The following FGGY variants were observed in gnomAD, a reference collection of about 807,000 sequenced individuals.
FGGY encodes the protein FGGY carbohydrate kinase domain-containing protein.
Under a neutral mutation model 71.3 loss-of-function variants are expected in FGGY, and 72 were observed. The ratio of observed to expected loss-of-function variants is 1.01; its 90% CI spans 0.84 to 1.23. FGGY has a LOEUF of 1.23. FGGY is among the 50% of genes most tolerant of loss of function. FGGY has a pLI of 0.00. For missense variants in FGGY, 668 were observed against 682.3 expected (o/e 0.98, Z 0.23); for synonymous variants, 251 against 250.3 (o/e 1.00, Z -0.02).
chr1:59,641,312 G>C, intron 11 of FGGY: 2 of 1,611,418 alleles, frequency 1.2e-6, no homozygotes, highest in East Asian at 2.2e-5. Context: ...TTCCGGCTTT[G>C]GCAGCGTTGC....
intron 11 of FGGY, chr1:59,641,430 C>A: frequency 8.3e-7 from 1 of 1,199,064 alleles, no homozygotes; most frequent in Non-Finnish European, 1.2e-6. Flanking sequence ...CAGGCCTGTG[C>A]TAAACCCAGG....
chr1:59,756,492 A>G (rs1574074038), intron 14 of FGGY, among the ~76,000 whole-genome samples: 1 of 152,224 alleles, frequency 6.6e-6, no homozygotes, highest in Admixed American at 6.5e-5. Context: ...CTTCTAGCGT[A>G]GTATTTATCA....
intron 14 of FGGY, chr1:59,680,769 G>A (rs771745847): frequency 6.6e-6 from 1 of 152,118 alleles, no homozygotes; most frequent in Non-Finnish European, 1.5e-5. Flanking sequence ...AGCAATCTTT[G>A]TGCAGATGAG....
In FGGY at chr1:59,500,241, G is replaced by C. The variant is rs1405771401; in HGVS notation, c.671-12070G>C. ...GACATATCCTTCCTTTTATAAACTT[G>C]ATATTCATCTTTAAGGATCAGCAAC... On this transcript the variant is annotated intron_variant, in intron 6 of 15. Coordinates refer to ENST00000303721, the MANE Select transcript of FGGY (RefSeq NM_018291.5). 2.0e-5 allele frequency among the ~76,000 whole-genome samples: 3 copies of C among 152,108 alleles called. No homozygotes were observed. The East Asian group carries it at 5.8e-4, about 29-fold the overall frequency.
chr1:59,440,488 A>G (rs2069558301), intron 5 of FGGY, among the ~76,000 whole-genome samples: 1 of 151,990 alleles, frequency 6.6e-6, no homozygotes, highest in Admixed American at 6.6e-5. Flanking sequence ...GTAGAGCTTC[A>G]GTCCAACACT....
chr1:59,372,761 A>C (rs537213376), intron 4 of FGGY, among the ~76,000 whole-genome samples: 1 of 152,342 alleles, frequency 6.6e-6, no homozygotes, highest in African/African-American at 2.4e-5. Context: ...CAATATACGC[A>C]AATCAATAAA....
chr1:59,582,324 T>G (rs1377659238), intron 8 of FGGY, among the ~76,000 whole-genome samples: 3 of 150,078 alleles, frequency 2.0e-5, no homozygotes, highest in Non-Finnish European at 4.4e-5. Flanking sequence ...AGGGAAAAGG[T>G]CTTGGCCATT....
chr1:59,658,851 A>G lies in FGGY; in HGVS notation c.1222-1368A>G, dbSNP rs574491933. Among the ~76,000 whole-genome samples, 36 of 152,366 alleles carry G rather than the reference A, an allele frequency of 2.4e-4. No individual in the cohort carries two copies. The South Asian group carries it at 7.2e-3, about 31-fold the overall frequency. ...AGTAAGGATCAAGAAAAGGAGATGC[A>G]TTCAAAAGAGATTTGGGAGATCAAA... is the stretch of plus-strand genomic sequence containing the variant. On this transcript the variant is annotated intron_variant, in intron 11 of 15. Coordinates refer to ENST00000303721, the MANE Select transcript of FGGY (RefSeq NM_018291.5).
At chr1:59,658,751 A>G (rs1293170177) in intron 11 of FGGY, among the ~76,000 whole-genome samples, 1 of 152,224 alleles carries the variant, frequency 6.6e-6, no homozygotes, top group Non-Finnish European at 1.5e-5. Context: ...AATTAGAAAC[A>G]GTGAGATTTG....
At chr1:59,368,212 G>C (rs1437700563) in intron 4 of FGGY, among the ~76,000 whole-genome samples, 1 of 152,168 alleles carries the variant, frequency 6.6e-6, no homozygotes, top group Admixed American at 6.5e-5. Context: ...GCAACATTGT[G>C]CATGGGAGAT....
intron 5 of FGGY, among the ~76,000 whole-genome samples, chr1:59,409,835 A>G (rs1397085726): frequency 3.9e-5 from 6 of 152,112 alleles, no homozygotes; most frequent in African/African-American, 1.4e-4. Flanking sequence ...AGTATCCATT[A>G]TGTGTTAGGC....
intron 14 of FGGY, among the ~76,000 whole-genome samples, chr1:59,705,043 C>A (rs2097745247): frequency 6.6e-6 from 1 of 152,156 alleles, no homozygotes. Flanking sequence ...TCTCTTTATA[C>A]CCATCAAGTA....
At chr1:59,589,264 C>T (rs529107899) in intron 8 of FGGY, among the ~76,000 whole-genome samples, 2 of 152,196 alleles carry the variant, frequency 1.3e-5, no homozygotes, top group Non-Finnish European at 2.9e-5. Context: ...GCACCCAATA[C>T]AGGAGCACGC....
chr1:59,747,203 G>A (rs1214984611), intron 14 of FGGY, among the ~76,000 whole-genome samples: 1 of 152,162 alleles, frequency 6.6e-6, no homozygotes, highest in Non-Finnish European at 1.5e-5. Context: ...TTAGCAAGAA[G>A]CTTCCTATTT....
intron 15 of FGGY, among the ~76,000 whole-genome samples, chr1:59,761,441 G>C (rs1475543245): frequency 6.6e-6 from 1 of 152,146 alleles, no homozygotes; most frequent in Non-Finnish European, 1.5e-5. Context: ...ATTTCATCAT[G>C]AGGACTCCTT....
At chr1:59,383,913 A>G (rs1031565092) in intron 5 of FGGY, among the ~76,000 whole-genome samples, 1 of 152,102 alleles carries the variant, frequency 6.6e-6, no homozygotes, top group African/African-American at 2.4e-5. Context: ...GACCACCTTG[A>G]GCACTTGCCA....
intron 8 of FGGY, among the ~76,000 whole-genome samples, chr1:59,604,197 C>T (rs145435617): frequency 3.3e-5 from 5 of 152,284 alleles, no homozygotes; most frequent in African/African-American, 9.6e-5. Flanking sequence ...ATGGAGCAGT[C>T]TCCAGGCCAA....
intron 14 of FGGY, among the ~76,000 whole-genome samples, chr1:59,718,863 CT>C (rs966420463): frequency 3.3e-5 from 5 of 152,242 alleles, no homozygotes; most frequent in African/African-American, 1.2e-4. Context: ...CTCTCAGCCC[CT>C]GGCCTCCTGG....
chr1:59,389,385 G>C (rs900958826), intron 5 of FGGY, among the ~76,000 whole-genome samples: 1 of 152,112 alleles, frequency 6.6e-6, no homozygotes, highest in Non-Finnish European at 1.5e-5. Context: ...GTCTATGCTG[G>C]AGCATGTGTC....
Sources: allele counts gnomAD v4.1 joint callset (sites outside exome capture counted in the v4.1 genomes callset), GRCh38; gene constraint gnomAD v4.1.1; transcripts MANE v1.5; gene names NCBI Gene and HGNC (gene_info 2026-07-23, HGNC 2026-07-21).